The following COPS2 variants were observed in gnomAD, a reference collection of about 807,000 sequenced individuals.
COPS2 encodes the protein COP9 signalosome complex subunit 2.
A neutral mutation model predicts 66.1 loss-of-function variants in COPS2; 10 were observed. The ratio of observed to expected loss-of-function variants is 0.15; its 90% CI spans 0.09 to 0.26. The LOEUF (loss-of-function observed/expected upper bound fraction) is 0.26, where lower values mean the gene tolerates loss of function less well. Ranked by LOEUF, COPS2 falls within the 10% of genes least tolerant of loss-of-function variation. The pLI is 1.00. For synonymous variants in COPS2, 179 were observed against 171.3 expected, an observed-to-expected ratio of 1.04 and a Z score of -0.35; for missense variants, 215 against 513.3, an observed-to-expected ratio of 0.42 and a Z score of 5.62.
chr15:49,135,412 G>A (rs557584115), intron 6 of COPS2, among the ~76,000 whole-genome samples: 4 of 152,072 alleles, frequency 2.6e-5, no homozygotes, highest in East Asian at 1.9e-4. Context: ...CAAGGTTCCC[G>A]GTCTCAAAAA....
chr15:49,134,165 T>G, intron 7 of COPS2, 57 bp from the exon 8 acceptor site: 2 of 1,489,840 alleles, frequency 1.3e-6, no homozygotes, highest in Admixed American at 2.0e-5. Flanking sequence ...ATAACAAAAC[T>G]GACCACCTCA....
chr15:49,147,744 A>G (rs1230243533), intron 1 of COPS2, among the ~76,000 whole-genome samples: 4 of 151,866 alleles, frequency 2.6e-5, no homozygotes, highest in Non-Finnish European at 5.9e-5. Context: ...AAAAAAAAAA[A>G]AAAATCACAA....
At chr15:49,128,893 A>G (rs1459867457) in intron 11 of COPS2, 133 bp from the exon 12 acceptor site, 3 of 590,678 alleles carry the variant, frequency 5.1e-6, no homozygotes, top group Non-Finnish European at 8.9e-6. Context: ...AACATATTTC[A>G]TTATCACTTC....
chr15:49,132,571 CAAAA>C (rs748471326), intron 9 of COPS2, among the ~76,000 whole-genome samples: 5 of 59,892 alleles, frequency 8.3e-5, no homozygotes, highest in African/African-American at 2.7e-4. Flanking sequence ...CATATATCTG[CAAAA>C]AAAAAAAAAA....
rs982451762 is a variant in COPS2, at chr15:49,124,946, C to T, written c.*3004G>A. ...CTTCACCCATAGATTTAGACTGACA[C>T]TGACACCACAAAAGCATACATACCT... On this transcript the variant is annotated 3_prime_UTR_variant, in exon 13 of 13. Transcript: ENST00000388901. 2 of 152,170 alleles carry T rather than the reference C, an allele frequency of 1.3e-5. No homozygotes were observed. Among genetic ancestry groups the T allele is most frequent in the African/African-American group, 4.8e-5 (2 of 41,438 alleles). 9.4% of individuals were successfully genotyped at this position (152,170 alleles called of 1,614,324 possible). A position where few individuals can be genotyped will look rare whatever the true frequency, so the allele number is the denominator to read the frequency against.
At chr15:49,129,308 A>C (rs966075618) in intron 11 of COPS2, among the ~76,000 whole-genome samples, 169 bp downstream of exon 11, 8 of 129,048 alleles carry the variant, frequency 6.2e-5, no homozygotes, top group Non-Finnish European at 1.3e-4. Context: ...CTGTCTCTTA[A>C]AAAAAAAAAA....
At chr15:49,143,526 T>G (rs959101448) in intron 3 of COPS2, among the ~76,000 whole-genome samples, 1 of 152,210 alleles carries the variant, frequency 6.6e-6, no homozygotes, top group African/African-American at 2.4e-5. Context: ...TAAAGCCATG[T>G]GGATTTGCCA....
At chr15:49,130,933 CTTT>C in intron 9 of COPS2, 117 bp from the exon 10 acceptor site, 4 of 487,538 alleles carry the variant, frequency 8.2e-6, no homozygotes, top group Admixed American at 3.6e-5. Context: ...TAATATTATA[CTTT>C]CTGTCATGGA....
In COPS2 at chr15:49,145,146, G is replaced by C. The variant is rs1014889985; in HGVS notation, c.55-68C>G. ...AAACCCACACGTAGCAACGTAAAAA[G>C]TGAATGCTGTTAAGACAGAAAAACC... On this transcript the variant is annotated intron_variant, in intron 1 of 12. Coordinates refer to ENST00000388901, the MANE Select transcript of COPS2 (RefSeq NM_004236.4). 7.5e-6 allele frequency: 6 copies of C among 799,038 alleles called. No individual in the cohort carries two copies. In the East Asian group the frequency reaches 1.6e-4, roughly 21 times the overall value. 49.5% of individuals were successfully genotyped at this position (799,038 alleles called of 1,614,324 possible).
intron 1 of COPS2, among the ~76,000 whole-genome samples, chr15:49,150,280 AT>A (rs911973110): frequency 1.1e-4 from 16 of 151,360 alleles, no homozygotes; most frequent in Admixed American, 4.6e-4. Context: ...AAATAAAAAA[AT>A]AAATAAATAA....
At chr15:49,140,519 CA>C (rs1219639626) in intron 3 of COPS2, among the ~76,000 whole-genome samples, 1 of 152,064 alleles carries the variant, frequency 6.6e-6, no homozygotes, top group African/African-American at 2.4e-5. Context: ...AGGTTCTATT[CA>C]AAAGTAGATA....
Position 49,124,930 on chromosome 15 carries a change from T to C in COPS2, c.*3020A>G, listed in dbSNP as rs570227470. On this transcript the variant is annotated 3_prime_UTR_variant, in exon 13 of 13. Coordinates refer to ENST00000388901, the MANE Select transcript of COPS2 (RefSeq NM_004236.4). ...TCTTATGGACTAACTGCTTCACCCA[T>C]AGATTTAGACTGACACTGACACCAC... The C allele has an allele frequency of 1.3e-5, 2 of 152,184 alleles. No homozygotes were observed. The highest frequency in any genetic ancestry group is 2.9e-5 in the Non-Finnish European group (2 of 68,004). The allele number at this position is 152,184 out of a possible 1,614,324, so 9.4% of individuals were successfully genotyped here.
rs2084182949 is a variant in COPS2 at position 49,128,178 on chromosome 15, C to A, written c.1188-84G>T. The A allele has an allele frequency of 7.7e-6, 10 of 1,290,542 alleles. No individual in the cohort carries two copies. In the Admixed American group the frequency reaches 9.1e-5, roughly 12 times the overall value. 79.9% of individuals were successfully genotyped at this position (1,290,542 alleles called of 1,614,324 possible). ...ATTAATGTTTCATAAAATACAGTAT[C>A]AACAAATGCCAAAAAAAAAGCAGCT... On this transcript the variant is annotated intron_variant, in intron 12 of 12. Coordinates refer to ENST00000388901, the MANE Select transcript of COPS2 (RefSeq NM_004236.4).
At chr15:49,136,033 T>C (rs573331827) in intron 6 of COPS2, among the ~76,000 whole-genome samples, 6 of 152,292 alleles carry the variant, frequency 3.9e-5, no homozygotes, top group Admixed American at 3.3e-4. Context: ...CTTAACAATG[T>C]GTAGATAAGA....
chr15:49,137,328 G>T lies in COPS2; in HGVS notation c.462+20C>A. 6.4e-7 allele frequency: 1 copy of T among 1,570,310 alleles called. No individual in the cohort carries two copies. Among genetic ancestry groups the T allele is most frequent in the Non-Finnish European group, 8.7e-7 (1 of 1,144,224 alleles). Reference sequence around the variant, plus strand: ...CCCACCCACTTTTCAAAAGAAAAGTGTAAGTATTATAACGGTTACCTTTGT... The same window carrying T: ...CCCACCCACTTTTCAAAAGAAAAGTTTAAGTATTATAACGGTTACCTTTGT... On this transcript the variant is annotated intron_variant, in intron 5 of 12. Transcript: ENST00000388901.
chr15:49,133,713 G>T, intron 9 of COPS2, 46 bp downstream of exon 9: 1 of 1,350,846 alleles, frequency 7.4e-7, no homozygotes, highest in South Asian at 1.3e-5. Flanking sequence ...TTTCCTTTAT[G>T]AACTGCTTTA....
rs889422335 is a variant in COPS2 at position 49,124,120 on chromosome 15, C to G, written c.*3830G>C. The G allele has an allele frequency of 6.6e-6, 1 of 152,254 alleles. No homozygotes were observed. The highest frequency in any genetic ancestry group is 2.4e-5 in the African/African-American group (1 of 41,452). The allele number at this position is 152,254 out of a possible 1,614,324, so 9.4% of individuals were successfully genotyped here. On this transcript the variant is annotated 3_prime_UTR_variant, in exon 13 of 13. Transcript: ENST00000388901. Reference sequence around the variant, plus strand: ...GGGCGTGGTGGCTCACGCCTGTAATCCCAGCACTATGGGAGGCCAAAGCGG... The same window carrying G: ...GGGCGTGGTGGCTCACGCCTGTAATGCCAGCACTATGGGAGGCCAAAGCGG...
At chr15:49,155,448 A>T in intron 1 of COPS2, 77 bp downstream of exon 1, 1 of 1,364,752 alleles carries the variant, frequency 7.3e-7, no homozygotes, top group Non-Finnish European at 1.0e-6. Context: ...CTACGGGGAG[A>T]GGCCGCGGGC....
Position 49,133,336 on chromosome 15 carries a change from AAT to A in COPS2, c.947+421_947+422del, listed in dbSNP as rs563693981. 1.1e-4 allele frequency among the ~76,000 whole-genome samples: 16 copies of A among 152,308 alleles called. 1 individual carries two copies. The East Asian group carries it at 2.9e-3, about 28-fold the overall frequency. On this transcript the variant is annotated intron_variant, in intron 9 of 12. Coordinates refer to ENST00000388901, the MANE Select transcript of COPS2 (RefSeq NM_004236.4). The stretch of plus-strand genomic sequence containing the variant: ...AATACTTTCATCTTGTCATTGAGAA[AAT>A]ATATGAGTAAAAAAATATGCTTATG...
Sources: gnomAD v4.1 joint callset for allele counts (sites outside exome capture counted in the v4.1 genomes callset) on GRCh38, gnomAD v4.1.1 for gene constraint, MANE v1.5 for transcripts, NCBI Gene and HGNC (gene_info 2026-07-23, HGNC 2026-07-21) for gene names.